The following GLIS1 variants were observed in gnomAD, a reference collection of about 807,000 sequenced individuals.
The protein encoded by GLIS1 is zinc finger protein GLIS1.
GLIS1 carries 24 observed loss-of-function variants against 63.8 expected under a neutral mutation model. The ratio of observed to expected loss-of-function variants is 0.38; its 90% CI spans 0.27 to 0.53. The LOEUF (loss-of-function observed/expected upper bound fraction) is 0.53, where lower values mean the gene tolerates loss of function less well. Ranked by LOEUF, GLIS1 falls within the 20% of genes least tolerant of loss-of-function variation. GLIS1 has a pLI of 0.85. For synonymous variants in GLIS1, 450 were observed against 482.5 expected, an observed-to-expected ratio of 0.93 and a Z score of 0.88; for missense variants, 1,036 against 1,074.1, an observed-to-expected ratio of 0.96 and a Z score of 0.50.
Position 53,574,138 on chromosome 1 carries a change from G to A in GLIS1, c.1320+19970C>T, listed in dbSNP as rs1486398457. ...ACTCTGAGACCACCCACACCTCTGT[G>A]GTCCTGGTTCCAAGTTCCTTCCAGG... On this transcript the variant is annotated intron_variant, in intron 4 of 10. Coordinates refer to ENST00000628545, the MANE Select transcript of GLIS1 (RefSeq NM_001367484.1). The surrounding 1 kb of genome is among the most constrained non-coding windows in gnomAD (Gnocchi z 4.2). Among the ~76,000 whole-genome samples the A allele has an allele frequency of 2.0e-5, 3 of 152,148 alleles. No individual in the cohort carries two copies. The highest frequency in any genetic ancestry group is 2.1e-4 in the South Asian group (1 of 4,814).
intron 2 of GLIS1, among the ~76,000 whole-genome samples, chr1:53,703,179 A>G (rs1646542414): frequency 6.6e-6 from 1 of 152,204 alleles, no homozygotes; most frequent in African/African-American, 2.4e-5. Flanking sequence ...GCACTGTTCT[A>G]TGCATTTTCT....
At chr1:53,682,983 G>A (rs1646292251) in intron 2 of GLIS1, among the ~76,000 whole-genome samples, 2 of 152,230 alleles carry the variant, frequency 1.3e-5, no homozygotes, top group South Asian at 2.1e-4. Flanking sequence ...TGTAGAAGCA[G>A]CATGAACTGA....
Position 53,532,361 on chromosome 1 carries a change from C to T in GLIS1, c.1321-2409G>A, listed in dbSNP as rs986072135. 3.3e-5 allele frequency among the ~76,000 whole-genome samples: 5 copies of T among 152,118 alleles called. No individual in the cohort carries two copies. The East Asian group carries it at 5.8e-4, about 18-fold the overall frequency. The stretch of plus-strand genomic sequence containing the variant: ...ACAGATATGAGAGACACAAGAGACA[C>T]GAGAGACAATGATGGTTCCGGGACA... On this transcript the variant is annotated intron_variant, in intron 4 of 10. Transcript: ENST00000628545.
At chr1:53,578,870 C>G (rs540713428) in intron 4 of GLIS1, among the ~76,000 whole-genome samples, 2 of 152,050 alleles carry the variant, frequency 1.3e-5, no homozygotes, top group African/African-American at 4.8e-5. Flanking sequence ...CCTCCACCTA[C>G]CCCTTTTCAC....
At chr1:53,558,528 T>C (rs1644855524) in intron 4 of GLIS1, among the ~76,000 whole-genome samples, 1 of 152,164 alleles carries the variant, frequency 6.6e-6, no homozygotes, top group Non-Finnish European at 1.5e-5. Context: ...TTGTTCACAC[T>C]CTTCCCATGC....
intron 2 of GLIS1, among the ~76,000 whole-genome samples, chr1:53,665,741 C>G (rs11584164): frequency 0.089 from 13,604 of 152,176 alleles, 773 homozygotes; most frequent in South Asian, 0.15. Context: ...AAGCAGCTAT[C>G]AAGGAGGTAG....
At chr1:53,675,380 G>A (rs1646200260) in intron 2 of GLIS1, among the ~76,000 whole-genome samples, 3 of 152,122 alleles carry the variant, frequency 2.0e-5, no homozygotes, top group Non-Finnish European at 4.4e-5. Context: ...GCTCAAGCAG[G>A]GTCTGATGGT....
At chr1:53,603,415 C>A (rs1645338461) in intron 2 of GLIS1, among the ~76,000 whole-genome samples, 1 of 152,234 alleles carries the variant, frequency 6.6e-6, no homozygotes, top group South Asian at 2.1e-4. Context: ...CCCGGGATAC[C>A]TGCTGTCTCA....
At chr1:53,736,101 A>T (rs1460476976) in intron 2 of GLIS1, among the ~76,000 whole-genome samples, 1 of 152,208 alleles carries the variant, frequency 6.6e-6, no homozygotes, top group Non-Finnish European at 1.5e-5. Flanking sequence ...GGAGGCTATG[A>T]AGAAAAGTTG....
chr1:53,711,850 A>T (rs961506837), intron 2 of GLIS1, among the ~76,000 whole-genome samples: 1 of 152,196 alleles, frequency 6.6e-6, no homozygotes, highest in Admixed American at 6.5e-5. Context: ...TGTGGCCTTA[A>T]GCAAGTCACC....
chr1:53,670,082 A>G (rs1272873933), intron 2 of GLIS1, among the ~76,000 whole-genome samples: 1 of 152,248 alleles, frequency 6.6e-6, no homozygotes, highest in African/African-American at 2.4e-5. Context: ...AGAGTGGCTC[A>G]GCAGCCACAA....
intron 7 of GLIS1, among the ~76,000 whole-genome samples, chr1:53,518,438 T>C (rs1355299045): frequency 6.6e-6 from 1 of 152,210 alleles, no homozygotes; most frequent in Non-Finnish European, 1.5e-5. Flanking sequence ...AGTCAATATG[T>C]GCTGGCTGTG....
In GLIS1 at chr1:53,552,665, G is replaced by A. The variant is rs369592812; in HGVS notation, c.1321-22713C>T. Among the ~76,000 whole-genome samples the A allele has an allele frequency of 1.1e-4, 16 of 152,118 alleles. No individual in the cohort carries two copies. In the East Asian group the frequency reaches 1.9e-3, roughly 18 times the overall value. ...CACCATCCATCCTCCCAGCTGAATC[G>A]GCTCGTGCCCACAGATGGCTCCCCA... is the stretch of plus-strand genomic sequence containing the variant. On this transcript the variant is annotated intron_variant, in intron 4 of 10. Coordinates refer to ENST00000628545, the MANE Select transcript of GLIS1 (RefSeq NM_001367484.1).
chr1:53,515,464 C>T (rs915172797), intron 7 of GLIS1, among the ~76,000 whole-genome samples: 8 of 152,162 alleles, frequency 5.3e-5, no homozygotes, highest in African/African-American at 9.6e-5. Flanking sequence ...GTTGCATGGG[C>T]GGTACACTGA....
chr1:53,554,536 G>T (rs1426855299), intron 4 of GLIS1, among the ~76,000 whole-genome samples: 1 of 152,194 alleles, frequency 6.6e-6, no homozygotes, highest in Non-Finnish European at 1.5e-5. Context: ...CTGAGGAGGA[G>T]CCAGGATTTG....
At chr1:53,566,669 G>A (rs1457762704) in intron 4 of GLIS1, among the ~76,000 whole-genome samples, 3 of 152,200 alleles carry the variant, frequency 2.0e-5, no homozygotes, top group African/African-American at 7.2e-5. Flanking sequence ...TTTCCCCCTT[G>A]CTGTTCTCAT....
At chr1:53,607,291 G>A (rs996471221) in intron 2 of GLIS1, among the ~76,000 whole-genome samples, 3 of 152,046 alleles carry the variant, frequency 2.0e-5, no homozygotes, top group Non-Finnish European at 4.4e-5. Context: ...TTCTTTTAGA[G>A]ACAGGGTCTC....
intron 5 of GLIS1, among the ~76,000 whole-genome samples, chr1:53,525,513 A>G (rs1031735543): frequency 7.4e-5 from 4 of 54,374 alleles, no homozygotes; most frequent in Non-Finnish European, 1.2e-4. Flanking sequence ...TGCCCTGTGC[A>G]TGGGGAGTGG....
At chr1:53,615,134 T>G (rs188535497) in intron 2 of GLIS1, among the ~76,000 whole-genome samples, 2 of 152,214 alleles carry the variant, frequency 1.3e-5, no homozygotes, top group African/African-American at 4.8e-5. Flanking sequence ...TGTGAATAGT[T>G]CCCTGTCCCT....
Sources: gnomAD v4.1 joint callset for allele counts (sites outside exome capture counted in the v4.1 genomes callset) on GRCh38, gnomAD v4.1.1 for gene constraint, Gnocchi (gnomAD v3.1) non-coding constraint, MANE v1.5 for transcripts, NCBI Gene and HGNC (gene_info 2026-07-23, HGNC 2026-07-21) for gene names.